The following RIPOR2 variants were observed in gnomAD, a reference collection of about 807,000 sequenced individuals.
RIPOR2 encodes RHO family interacting cell polarization regulator 2.
In RIPOR2, 39 loss-of-function variants were observed where a neutral mutation model predicts 114.5. That is an observed-to-expected ratio of 0.34 (90% CI 0.26 to 0.44). RIPOR2 has a LOEUF of 0.44. Among genes scored for constraint, RIPOR2 ranks in the 20% least tolerant of loss-of-function variants. The pLI, the probability that RIPOR2 is intolerant of heterozygous loss-of-function variation, is 1.00. For missense variants in RIPOR2, 1,007 were observed against 1,255.1 expected, an observed-to-expected ratio of 0.80 and a Z score of 2.99; for synonymous variants, 445 against 484.4, an observed-to-expected ratio of 0.92 and a Z score of 1.07.
upstream of RIPOR2, among the ~76,000 whole-genome samples, chr6:24,937,882 G>T (rs1332251246): frequency 6.6e-6 from 1 of 152,098 alleles, no homozygotes; most frequent in Non-Finnish European, 1.5e-5. Context: ...CCAGTTCACT[G>T]CAGCATCCCC....
intron 1 of RIPOR2, among the ~76,000 whole-genome samples, chr6:24,997,684 C>T (rs1214904531): frequency 6.6e-6 from 1 of 152,128 alleles, no homozygotes; most frequent in Non-Finnish European, 1.5e-5. Context: ...CCAAATGTTC[C>T]CTGGGAGTAA....
chr6:24,806,943 A>G (rs1295257786), intron 21 of RIPOR2, among the ~76,000 whole-genome samples: 6 of 152,242 alleles, frequency 3.9e-5, no homozygotes, highest in African/African-American at 1.4e-4. Flanking sequence ...ACTTTTTACT[A>G]TGTAAACATA....
At chr6:24,998,266 G>A (rs980864491) in intron 1 of RIPOR2, among the ~76,000 whole-genome samples, 2 of 152,092 alleles carry the variant, frequency 1.3e-5, no homozygotes, top group Non-Finnish European at 2.9e-5. Context: ...AATTCTTTGA[G>A]AATCTCAACA....
In RIPOR2 at chr6:24,963,274, C is replaced by T. The variant is rs146948785; in HGVS notation, c.76+78577G>A. On this transcript the variant is annotated intron_variant, in intron 1 of 13. Coordinates refer to the RIPOR2 transcript ENST00000510784. ...TTTCAAACTCCTGACCTTCAGTGAT[C>T]CACCAGCCTCGGCCTCCCAAAGTGC... Among the ~76,000 whole-genome samples the T allele has an allele frequency of 7.4e-3, 1,130 of 152,226 alleles. 9 individuals are homozygous for T. Among genetic ancestry groups the T allele is most frequent in the Non-Finnish European group, 8.9e-3 (608 of 68,016 alleles).
At position 24,872,954 on chromosome 6, in the gene RIPOR2, T is replaced by A; in HGVS notation, c.350A>T (p.Tyr117Phe). The A allele has an allele frequency of 6.2e-7, 1 of 1,603,178 alleles. No homozygotes were observed. ...YRALKNGLDE[Y>F]LEVHQTELDK... is the part of the protein sequence containing the mutation. Reference sequence around the variant, plus strand: ...CAGCTCCGTCTGGTGAACCTCCAGATATTCACTGCAAAGATAAGACAAGAT... The same window carrying A: ...CAGCTCCGTCTGGTGAACCTCCAGAAATTCACTGCAAAGATAAGACAAGAT... The change falls in exon 4 of 22, where the codon TAT (tyrosine) becomes TTT (phenylalanine). Residue 117 changes from tyrosine (Y) to phenylalanine (F), a missense_variant. Physicochemically the swap from Tyr to Phe is conservative, Grantham distance 22. Coordinates refer to ENST00000643898, the MANE Select transcript of RIPOR2 (RefSeq NM_001286445.3).
intron 1 of RIPOR2, among the ~76,000 whole-genome samples, chr6:24,977,963 G>C (rs919233364): frequency 1.3e-5 from 2 of 152,188 alleles, no homozygotes; most frequent in African/African-American, 4.8e-5. Flanking sequence ...GTCAGGGCCA[G>C]GTGTTTATAT....
chr6:24,920,716 C>T (rs1270045793), intron 1 of RIPOR2, among the ~76,000 whole-genome samples: 2 of 152,184 alleles, frequency 1.3e-5, no homozygotes, highest in Non-Finnish European at 2.9e-5. Flanking sequence ...TATATGTATA[C>T]TATAAACTTA....
chr6:25,031,698 GTT>G (rs1491220233), intron 1 of RIPOR2, among the ~76,000 whole-genome samples: 77 of 48,014 alleles, frequency 1.6e-3, no homozygotes, highest in African/African-American at 4.4e-3. Context: ...GTAGGTGGTA[GTT>G]ATATATATAT....
intron 8 of RIPOR2, among the ~76,000 whole-genome samples, chr6:24,855,455 C>T (rs560253560): frequency 3.2e-4 from 49 of 151,950 alleles, no homozygotes; most frequent in African/African-American, 1.2e-3. Context: ...GAAGAAGACA[C>T]GAACAATTCC....
At chr6:24,938,990 A>G (rs753246386), upstream of RIPOR2, among the ~76,000 whole-genome samples, 1 of 152,224 alleles carries the variant, frequency 6.6e-6, no homozygotes, top group Non-Finnish European at 1.5e-5. Context: ...TTATATTTAT[A>G]TGAGTGTCCA....
At chr6:24,884,908 A>G (rs923608930) in intron 1 of RIPOR2, among the ~76,000 whole-genome samples, 1 of 152,232 alleles carries the variant, frequency 6.6e-6, no homozygotes, top group African/African-American at 2.4e-5. Context: ...TATAATGAAT[A>G]CTTAGTTTTA....
At chr6:24,896,032 ACTT>A in intron 1 of RIPOR2, among the ~76,000 whole-genome samples, 1 of 152,200 alleles carries the variant, frequency 6.6e-6, no homozygotes, top group Admixed American at 6.5e-5. Flanking sequence ...ATAAAAAAGA[ACTT>A]CTTCATTGCA....
intron 1 of RIPOR2, among the ~76,000 whole-genome samples, chr6:24,968,679 G>A (rs973369199): frequency 6.6e-6 from 1 of 152,072 alleles, no homozygotes; most frequent in Non-Finnish European, 1.5e-5. Flanking sequence ...TTTTAGGAGG[G>A]CACATTCAGA....
chr6:24,998,436 C>A (rs539941112), intron 1 of RIPOR2, among the ~76,000 whole-genome samples: 1 of 152,256 alleles, frequency 6.6e-6, no homozygotes, highest in South Asian at 2.1e-4. Context: ...TAATAGCAAT[C>A]CCCCAAGGGA....
chr6:24,978,605 G>A (rs548271059), intron 1 of RIPOR2, among the ~76,000 whole-genome samples: 2 of 152,210 alleles, frequency 1.3e-5, no homozygotes, highest in East Asian at 3.9e-4. Context: ...GGTTAAGTTT[G>A]ATCCTTTTTT....
At position 25,037,100 on chromosome 6, in the gene RIPOR2, A is replaced by AT. The variant is rs1410471377; in HGVS notation, c.76+4750dup. On this transcript the variant is annotated intron_variant, in intron 1 of 13. Coordinates refer to the RIPOR2 transcript ENST00000510784. This position sits in a 1 kb window ranked among gnomAD's most constrained non-coding sequence, Gnocchi z 4.5. ...AGGAACTGTGCTAGGCACTTGACAT[A>AT]TTTTATGTCTTTTAATCCCCTCCAA... Among the ~76,000 whole-genome samples, 1 of 152,056 alleles carries AT rather than the reference A, an allele frequency of 6.6e-6. No homozygotes were observed. Among genetic ancestry groups the AT allele is most frequent in the Non-Finnish European group, 1.5e-5 (1 of 68,000 alleles).
intron 19 of RIPOR2, among the ~76,000 whole-genome samples, chr6:24,823,050 G>A (rs1021940735): frequency 1.3e-5 from 2 of 152,170 alleles, no homozygotes; most frequent in African/African-American, 4.8e-5. Context: ...TATAGTTGGA[G>A]GACAGTGGAT....
chr6:25,038,765 G>A (rs1010103679), intron 1 of RIPOR2, among the ~76,000 whole-genome samples: 2 of 152,212 alleles, frequency 1.3e-5, no homozygotes, highest in Non-Finnish European at 2.9e-5. Flanking sequence ...TGGAAGCTGT[G>A]AGATAAAAAA....
At chr6:24,850,898 CTT>C (rs371904262) in intron 9 of RIPOR2, among the ~76,000 whole-genome samples, 176 bp from the exon 10 acceptor site, 29 of 138,282 alleles carry the variant, frequency 2.1e-4, no homozygotes, top group East Asian at 2.1e-4. Flanking sequence ...GGGGAGGAGA[CTT>C]TTTTTTTTTT....
Sources: gnomAD v4.1 joint callset for allele counts (sites outside exome capture counted in the v4.1 genomes callset) on GRCh38, gnomAD v4.1.1 for gene constraint, Gnocchi (gnomAD v3.1) non-coding constraint, MANE v1.5 for transcripts, NCBI Gene and HGNC (gene_info 2026-07-23, HGNC 2026-07-21) for gene names.